The following LRRC37A variants were observed in gnomAD, a reference collection of about 807,000 sequenced individuals.
LRRC37A encodes leucine rich repeat containing 37A, also known as leucine-rich repeat-containing protein 37A.
A neutral mutation model predicts 35.4 loss-of-function variants in LRRC37A; 3 were observed. That is an observed-to-expected ratio of 0.08 (90% CI 0.04 to 0.22). LRRC37A has a LOEUF of 0.22. LRRC37A is among the 10% of genes least tolerant of loss of function. LRRC37A has a pLI of 1.00. For synonymous variants in LRRC37A, 23 were observed against 215.0 expected, an observed-to-expected ratio of 0.11 and a Z score of 7.81; for missense variants, 67 against 565.3, an observed-to-expected ratio of 0.12 and a Z score of 8.94.
At chr17:46,274,057 A>T in the LRRC37A span, among the ~76,000 whole-genome samples, 1 of 152,234 alleles carries the variant, frequency 6.6e-6, no homozygotes, top group Non-Finnish European at 1.5e-5. Flanking sequence ...GGGAATGATA[A>T]AACGAGGGGC....
At chr17:46,252,328 C>T in the LRRC37A span, among the ~76,000 whole-genome samples, 3 of 148,830 alleles carry the variant, frequency 2.0e-5, no homozygotes, top group Admixed American at 2.0e-4. Context: ...CCTCAGCCTC[C>T]CAAGTAGCTG....
chr17:46,270,361 A>T, the LRRC37A span, among the ~76,000 whole-genome samples: 18,470 of 152,224 alleles, frequency 0.12, no homozygotes, highest in Non-Finnish European at 0.18. Context: ...TGGGGCAGAC[A>T]GGTAATAAAG....
chr17:46,267,716 G>A, the LRRC37A span, among the ~76,000 whole-genome samples: 1 of 151,848 alleles, frequency 6.6e-6, no homozygotes. Flanking sequence ...CACCCCCACG[G>A]GTGAGAACGG....
At chr17:46,289,345 T>G (rs955529219), upstream of LRRC37A, among the ~76,000 whole-genome samples, 2 of 110,106 alleles carry the variant, frequency 1.8e-5, no homozygotes, top group Non-Finnish European at 4.9e-5. Context: ...GCCCAGCTAC[T>G]TTTTTTTTTG....
chr17:46,280,054 C>T, the LRRC37A span, among the ~76,000 whole-genome samples: 1 of 152,182 alleles, frequency 6.6e-6, no homozygotes, highest in Non-Finnish European at 1.5e-5. Flanking sequence ...TTTCCCTGAA[C>T]CTCTTGTTTT....
the LRRC37A span, among the ~76,000 whole-genome samples, chr17:46,280,286 C>T: frequency 1.6e-4 from 25 of 152,300 alleles, no homozygotes; most frequent in East Asian, 4.7e-3. Context: ...ATCGCTTGAA[C>T]GCGGGAAGCG....
the LRRC37A span, among the ~76,000 whole-genome samples, chr17:46,262,787 GAA>G: frequency 0.17 from 21,545 of 124,552 alleles, 1,717 homozygotes; most frequent in Middle Eastern, 0.26. Context: ...CTCGGTCTTG[GAA>G]AAAAAAAAAA....
the LRRC37A span, among the ~76,000 whole-genome samples, chr17:46,283,423 G>A: frequency 6.6e-6 from 1 of 152,222 alleles, no homozygotes; most frequent in Admixed American, 6.5e-5. Context: ...CATTCTTATT[G>A]TCAGTGAAAA....
chr17:46,278,249 G>A, the LRRC37A span, among the ~76,000 whole-genome samples: 2 of 152,126 alleles, frequency 1.3e-5, no homozygotes, highest in African/African-American at 4.8e-5. Context: ...CCCAGCCTGG[G>A]TAGCTTTCTT....
At chr17:46,258,713 T>G in the LRRC37A span, among the ~76,000 whole-genome samples, 11 of 138,538 alleles carry the variant, frequency 7.9e-5, no homozygotes, top group African/African-American at 3.0e-4. Context: ...TATTCTTTTT[T>G]TTTTTTTTTT....
upstream of LRRC37A, among the ~76,000 whole-genome samples, chr17:46,289,067 G>A (rs2049997828): frequency 6.6e-6 from 1 of 152,132 alleles, no homozygotes; most frequent in Non-Finnish European, 1.5e-5. Flanking sequence ...CTATCCTGTA[G>A]TACAACTTAC....
At chr17:46,266,484 G>A in the LRRC37A span, among the ~76,000 whole-genome samples, 1 of 152,214 alleles carries the variant, frequency 6.6e-6, no homozygotes, top group Admixed American at 6.5e-5. Context: ...CCAATGGTCT[G>A]CTCAGCGAGT....
At chr17:46,265,938 T>A in the LRRC37A span, among the ~76,000 whole-genome samples, 22,066 of 152,054 alleles carry the variant, frequency 0.15, 2,140 homozygotes, top group Non-Finnish European at 0.22. Flanking sequence ...CTCTGCTAAA[T>A]ATACAAAAAT....
the LRRC37A span, among the ~76,000 whole-genome samples, chr17:46,253,450 C>G: frequency 6.6e-6 from 1 of 152,174 alleles, no homozygotes; most frequent in Non-Finnish European, 1.5e-5. Flanking sequence ...GCACTCCAGC[C>G]TGGGCACCAC....
chr17:46,279,854 T>A, the LRRC37A span, among the ~76,000 whole-genome samples: 1 of 152,230 alleles, frequency 6.6e-6, no homozygotes, highest in African/African-American at 2.4e-5. Flanking sequence ...CTTTCATTTT[T>A]ATCCCTGACA....
At chr17:46,268,657 G>T in the LRRC37A span, 1 of 1,538,116 alleles carries the variant, frequency 6.5e-7, no homozygotes, top group Non-Finnish European at 8.7e-7. Context: ...AAAAGGGAAG[G>T]GCAAATTCAA....
At chr17:46,312,482 GA>G (rs2050850172) in intron 5 of LRRC37A, among the ~76,000 whole-genome samples, 1 of 76,986 alleles carries the variant, frequency 1.3e-5, no homozygotes, top group African/African-American at 4.6e-5. Context: ...TTGGTGTTTA[GA>G]AAAAAATAGA....
chr17:46,258,760 G>T, the LRRC37A span, among the ~76,000 whole-genome samples: 1 of 141,388 alleles, frequency 7.1e-6, no homozygotes, highest in Non-Finnish European at 1.5e-5. Flanking sequence ...GGTCACCCAG[G>T]CTGGAGTGCA....
the LRRC37A span, chr17:46,260,296 G>T: frequency 1.3e-6 from 2 of 1,506,926 alleles, no homozygotes; most frequent in Non-Finnish European, 1.8e-6. Context: ...TGCGCGCCGC[G>T]CCGCGAGCTG....
Sources: allele counts gnomAD v4.1 joint callset (sites outside exome capture counted in the v4.1 genomes callset), GRCh38; gene constraint gnomAD v4.1.1; transcripts MANE v1.5; gene names NCBI Gene and HGNC (gene_info 2026-07-23, HGNC 2026-07-21).